TMEM184B: variants seen among roughly 807,000 people sequenced by gnomAD.
The protein encoded by TMEM184B is putative MAPK-activating protein FM08.
A neutral mutation model predicts 41.8 loss-of-function variants in TMEM184B; 17 were observed. The ratio of observed to expected loss-of-function variants is 0.41; its 90% CI spans 0.28 to 0.61. The LOEUF (loss-of-function observed/expected upper bound fraction) is 0.61. Ranked by LOEUF, TMEM184B falls within the 20% of genes least tolerant of loss-of-function variation. TMEM184B has a pLI of 0.34. For synonymous variants in TMEM184B, 240 were observed against 229.5 expected (o/e 1.05, Z -0.41); for missense variants, 393 against 557.8 (o/e 0.70, Z 2.98).
At chr22:38,241,453 C>T (rs2091903934) in intron 3 of TMEM184B, among the ~76,000 whole-genome samples, 1 of 148,940 alleles carries the variant, frequency 6.7e-6, no homozygotes, top group Non-Finnish European at 1.5e-5. Context: ...TTTGGGAGGT[C>T]GAGGCGCAAG....
At position 38,226,812 on chromosome 22, in the gene TMEM184B, TG is replaced by T. The variant is rs1381373626; in HGVS notation, c.583del (p.Gln195ArgfsTer20). On this transcript the variant is annotated frameshift_variant, in exon 6 of 9. Coordinates refer to ENST00000361906, the MANE Select transcript of TMEM184B (RefSeq NM_012264.5). LOFTEE classifies it high-confidence loss of function. This position sits in a 1 kb window ranked among gnomAD's most constrained non-coding sequence, Gnocchi z 4.6. ...CCCATCCCGGTACTTGCCGAAGGCC[TG>T]GAGGACCACAGTGCTGACCGCCATG... is the stretch of plus-strand genomic sequence containing the variant. ...PLMAVSTVVL[Q>X]AFGKYRDGDF... 5.6e-6 allele frequency: 9 copies of T among 1,606,038 alleles called. No individual in the cohort carries two copies. The highest frequency in any genetic ancestry group is 7.7e-6 in the Non-Finnish European group (9 of 1,176,436).
chr22:38,257,433 C>T (rs918949750), intron 1 of TMEM184B, among the ~76,000 whole-genome samples: 21 of 152,126 alleles, frequency 1.4e-4, no homozygotes, highest in South Asian at 4.1e-4. Flanking sequence ...GCCAAGGATG[C>T]GTCTGCTCCG....
intron 1 of TMEM184B, among the ~76,000 whole-genome samples, chr22:38,270,309 T>C (rs560812913): frequency 3.3e-5 from 5 of 152,288 alleles, no homozygotes; most frequent in African/African-American, 4.8e-5. Context: ...ACTCAGCTGT[T>C]CCACTCTCTG....
At chr22:38,230,555 G>A (rs963594280) in intron 5 of TMEM184B, 114 bp downstream of exon 5, 1 of 1,050,392 alleles carries the variant, frequency 9.5e-7, no homozygotes, top group Middle Eastern at 2.8e-4. Flanking sequence ...CTGGGGGCCT[G>A]GGGTGCCTCA....
At chr22:38,238,897 T>C (rs2145644113) in intron 3 of TMEM184B, among the ~76,000 whole-genome samples, 1 of 152,308 alleles carries the variant, frequency 6.6e-6, no homozygotes, top group African/African-American at 2.4e-5. Flanking sequence ...TAAATGGGGA[T>C]AATATATATA....
chr22:38,217,477 A>G (rs972230236), downstream of TMEM184B, among the ~76,000 whole-genome samples: 12 of 123,610 alleles, frequency 9.7e-5, no homozygotes, highest in Non-Finnish European at 1.8e-4. Flanking sequence ...CGTCTCTACT[A>G]AAAATACAAA....
chr22:38,254,383 T>TG (rs2092237019), intron 1 of TMEM184B, among the ~76,000 whole-genome samples: 1 of 152,112 alleles, frequency 6.6e-6, no homozygotes, highest in East Asian at 1.9e-4. Context: ...GTGGATCACT[T>TG]GAAGCCAGGA....
intron 1 of TMEM184B, among the ~76,000 whole-genome samples, chr22:38,259,148 C>T (rs1272768025): frequency 6.6e-6 from 1 of 152,192 alleles, no homozygotes; most frequent in Non-Finnish European, 1.5e-5. Flanking sequence ...TGAACTTGGC[C>T]ACCTGCCTTG....
chr22:38,268,323 C>A (rs1328145683), intron 1 of TMEM184B, among the ~76,000 whole-genome samples: 1 of 148,200 alleles, frequency 6.7e-6, no homozygotes, highest in Non-Finnish European at 1.5e-5. Flanking sequence ...TGCAGTGAGC[C>A]GAGATCCTGC....
intron 3 of TMEM184B, among the ~76,000 whole-genome samples, chr22:38,242,791 C>T (rs920919174): frequency 5.3e-5 from 8 of 152,144 alleles, no homozygotes; most frequent in South Asian, 2.1e-4. Context: ...TGGCCAGGCA[C>T]GGTGGCTCAC....
intron 1 of TMEM184B, among the ~76,000 whole-genome samples, chr22:38,269,680 G>C (rs558417989): frequency 1.3e-5 from 2 of 152,250 alleles, no homozygotes; most frequent in South Asian, 2.1e-4. Context: ...CTGGGCAACA[G>C]AGCGAGACTC....
At chr22:38,255,520 A>G (rs986727933) in intron 1 of TMEM184B, among the ~76,000 whole-genome samples, 2 of 152,210 alleles carry the variant, frequency 1.3e-5, no homozygotes, top group African/African-American at 2.4e-5. Flanking sequence ...CAACCCAGTA[A>G]TCACTGTGGA....
At chr22:38,246,863 A>G in intron 2 of TMEM184B, 1 of 1,302,974 alleles carries the variant, frequency 7.7e-7, no homozygotes, top group Non-Finnish European at 1.0e-6. Flanking sequence ...ATGACATCAC[A>G]CTTGGCCCAG....
At chr22:38,254,493 G>A (rs754913075) in intron 1 of TMEM184B, among the ~76,000 whole-genome samples, 18 of 151,776 alleles carry the variant, frequency 1.2e-4, no homozygotes, top group Non-Finnish European at 2.4e-4. Flanking sequence ...CCAGCTACTC[G>A]GGAGGCTGAG....
intron 1 of TMEM184B, among the ~76,000 whole-genome samples, chr22:38,264,064 C>T (rs1291632804): frequency 6.6e-6 from 1 of 152,214 alleles, no homozygotes; most frequent in Non-Finnish European, 1.5e-5. Context: ...CTCGGCCTCC[C>T]AAAGTGCTGG....
At position 38,234,661 on chromosome 22, in the gene TMEM184B, G is replaced by A. The variant is rs576721372; in HGVS notation, c.359-3327C>T. Among the ~76,000 whole-genome samples the A allele has an allele frequency of 6.0e-4, 92 of 152,282 alleles. 1 individual carries two copies. Among genetic ancestry groups the A allele is most frequent in the Non-Finnish European group, 2.1e-4 (14 of 68,014 alleles). ...TGCAATGGTACATTCTGGTCCCTCT[G>A]CTCACCGCAGAGGCAGACCCCACTG... is the stretch of plus-strand genomic sequence containing the variant. On this transcript the variant is annotated intron_variant, in intron 3 of 8. Coordinates refer to ENST00000361906, the MANE Select transcript of TMEM184B (RefSeq NM_012264.5).
chr22:38,234,910 C>T (rs1356389001), intron 3 of TMEM184B, among the ~76,000 whole-genome samples: 1 of 152,156 alleles, frequency 6.6e-6, no homozygotes, highest in Non-Finnish European at 1.5e-5. Flanking sequence ...CATCTGTAAG[C>T]GGGATAACTC....
At position 38,246,042 on chromosome 22, in the gene TMEM184B, A is replaced by G. The variant is rs1430191255; in HGVS notation, c.251T>C (p.Ile84Thr). 1.4e-5 allele frequency: 23 copies of G among 1,613,502 alleles called. No homozygotes were observed. The highest frequency in any genetic ancestry group is 1.9e-5 in the Non-Finnish European group (23 of 1,179,986). The change falls in exon 3 of 9, where the codon ATC becomes ACC. Residue 84 changes from isoleucine to threonine, a missense_variant. Ile to Thr is a moderately conservative substitution (Grantham distance 89). Transcript: ENST00000361906. ...GGCGTAGATGGGCACGATGAAGAGG[A>G]TGCGCACGATGTAGCGCTGCTCGTT... is the stretch of plus-strand genomic sequence containing the variant. ...CPNEQRYIVRILFIVPIYAFD... is the reference protein window; with the variant it reads ...CPNEQRYIVRTLFIVPIYAFD...
At chr22:38,255,042 G>A (rs1004043952) in intron 1 of TMEM184B, among the ~76,000 whole-genome samples, 1 of 151,304 alleles carries the variant, frequency 6.6e-6, no homozygotes, top group African/African-American at 2.4e-5. Flanking sequence ...TTATTTTTTT[G>A]AGACGGAGTC....
Sources: allele counts gnomAD v4.1 joint callset (sites outside exome capture counted in the v4.1 genomes callset), GRCh38; gene constraint gnomAD v4.1.1; non-coding constraint Gnocchi (gnomAD v3.1); transcripts MANE v1.5; gene names NCBI Gene and HGNC (gene_info 2026-07-23, HGNC 2026-07-21).